The following SOBP variants were observed in gnomAD, a reference collection of about 807,000 sequenced individuals.
The protein encoded by SOBP is sine oculis-binding protein homolog.
Under a neutral mutation model 53.6 loss-of-function variants are expected in SOBP, and 4 were observed. That is an observed-to-expected ratio of 0.07 (90% CI 0.04 to 0.17). The LOEUF (loss-of-function observed/expected upper bound fraction) is 0.17, where lower values mean the gene tolerates loss of function less well. Ranked by LOEUF, SOBP falls within the 10% of genes least tolerant of loss-of-function variation. SOBP has a pLI of 1.00. For missense variants in SOBP, 1,088 were observed against 1,204.7 expected, an observed-to-expected ratio of 0.90 and a Z score of 1.43; for synonymous variants, 584 against 522.6, an observed-to-expected ratio of 1.12 and a Z score of -1.60.
rs1770972345 is a variant in SOBP, at chr6:107,635,166, T to C, written c.2322T>C (p.Asn774=). The change falls in exon 6 of 7, where the codon AAT becomes AAC. Residue 774 remains asparagine, a synonymous_variant. Transcript: ENST00000317357. The surrounding 1 kb of genome is among the most constrained non-coding windows in gnomAD (Gnocchi z 4.5). ...GCGAGCTAGAGTCGGTCAAGGAGAATAACTGTGCTTCCAACTGCCACCTGG... is the reference window on the plus strand; with the variant it reads ...GCGAGCTAGAGTCGGTCAAGGAGAACAACTGTGCTTCCAACTGCCACCTGG... The part of the protein sequence containing the change: ...AVSELESVKE[N]NCASNCHLDG... 2 of 1,613,276 alleles carry C rather than the reference T, an allele frequency of 1.2e-6. No homozygotes were observed. Among genetic ancestry groups the C allele is most frequent in the Non-Finnish European group, 1.7e-6 (2 of 1,179,870 alleles).
At chr6:107,599,385 G>A (rs555206898) in intron 5 of SOBP, among the ~76,000 whole-genome samples, 3 of 152,100 alleles carry the variant, frequency 2.0e-5, no homozygotes, top group African/African-American at 7.2e-5. Flanking sequence ...TGAGTAGTCC[G>A]AATCCGTTTT....
intron 4 of SOBP, among the ~76,000 whole-genome samples, chr6:107,570,741 A>T (rs1785050844): frequency 6.6e-6 from 1 of 152,242 alleles, no homozygotes; most frequent in Non-Finnish European, 1.5e-5. Context: ...CCTGGCAGAG[A>T]GGAGAGATTG....
chr6:107,536,583 C>T (rs927814550), intron 4 of SOBP, among the ~76,000 whole-genome samples: 1 of 152,176 alleles, frequency 6.6e-6, no homozygotes, highest in Non-Finnish European at 1.5e-5. Flanking sequence ...GTGTCACATA[C>T]ATCTCTCACA....
chr6:107,610,896 G>A (rs1786571622), intron 5 of SOBP, among the ~76,000 whole-genome samples: 2 of 152,142 alleles, frequency 1.3e-5, no homozygotes, highest in Admixed American at 1.3e-4. Flanking sequence ...TGTTCCACTG[G>A]TAATTTTTAA....
chr6:107,546,505 G>C (rs545308780), intron 4 of SOBP, among the ~76,000 whole-genome samples: 23 of 152,094 alleles, frequency 1.5e-4, no homozygotes, highest in Non-Finnish European at 2.9e-4. Context: ...CTCTCTCAAG[G>C]GTCTGCTTTG....
intron 3 of SOBP, chr6:107,510,733 C>G (rs958709266): frequency 2.6e-5 from 4 of 152,196 alleles, no homozygotes; most frequent in African/African-American, 9.6e-5. Flanking sequence ...ATGCTACTGT[C>G]AATTTTCTAG....
At chr6:107,653,647 A>G (rs189060259) in intron 6 of SOBP, among the ~76,000 whole-genome samples, 1 of 152,328 alleles carries the variant, frequency 6.6e-6, no homozygotes, top group East Asian at 1.9e-4. Context: ...GATTTTGATT[A>G]TGCTAATTAC....
chr6:107,508,758 G>A (rs73514993), intron 3 of SOBP, among the ~76,000 whole-genome samples: 3,461 of 152,210 alleles, frequency 0.023, 154 homozygotes, highest in African/African-American at 0.079. Context: ...TTTGTGATAC[G>A]GAGGGGTCCA....
chr6:107,582,213 A>G (rs944039483), intron 4 of SOBP, among the ~76,000 whole-genome samples: 2 of 152,226 alleles, frequency 1.3e-5, no homozygotes, highest in Non-Finnish European at 2.9e-5. Context: ...TTCTAAAGGC[A>G]TTCTTCAGAG....
intron 1 of SOBP, among the ~76,000 whole-genome samples, chr6:107,496,314 A>G (rs1658683615): frequency 6.6e-6 from 1 of 152,160 alleles, no homozygotes; most frequent in Admixed American, 6.5e-5. Context: ...GGTATTCACA[A>G]TTTCACAGCA....
intron 4 of SOBP, among the ~76,000 whole-genome samples, chr6:107,586,483 A>G (rs1785571294): frequency 6.6e-6 from 1 of 151,870 alleles, no homozygotes; most frequent in Non-Finnish European, 1.5e-5. Flanking sequence ...AGATCAAAAT[A>G]ACCAGTAACT....
At chr6:107,581,814 T>G (rs1399471020) in intron 4 of SOBP, among the ~76,000 whole-genome samples, 3 of 152,206 alleles carry the variant, frequency 2.0e-5, no homozygotes, top group Non-Finnish European at 4.4e-5. Flanking sequence ...CAATGGCCCC[T>G]TTTTTCTCCT....
At chr6:107,648,898 G>A (rs846967) in intron 6 of SOBP, among the ~76,000 whole-genome samples, 1,842 of 152,192 alleles carry the variant, frequency 0.012, 37 homozygotes, top group African/African-American at 0.042. Context: ...TGTAAATTAG[G>A]TGTGCAATAA....
intron 5 of SOBP, among the ~76,000 whole-genome samples, chr6:107,601,904 G>A (rs1786190765): frequency 6.6e-6 from 1 of 152,232 alleles, no homozygotes; most frequent in Admixed American, 6.5e-5. Context: ...AGCAGCAGAA[G>A]TCTTGCCCTC....
chr6:107,573,859 G>T (rs1002544365), intron 4 of SOBP, among the ~76,000 whole-genome samples: 8 of 152,194 alleles, frequency 5.3e-5, no homozygotes, highest in African/African-American at 1.9e-4. Flanking sequence ...GATTGTGTAT[G>T]AATAGAGCTT....
chr6:107,588,080 A>ATCTT (rs1422994820), intron 5 of SOBP, among the ~76,000 whole-genome samples: 3 of 152,254 alleles, frequency 2.0e-5, no homozygotes, highest in Admixed American at 2.0e-4. Context: ...ACACTGAAAG[A>ATCTT]GAATGAGGAT....
chr6:107,587,483 A>T (rs1462039722), intron 5 of SOBP, among the ~76,000 whole-genome samples: 1 of 152,162 alleles, frequency 6.6e-6, no homozygotes, highest in Non-Finnish European at 1.5e-5. Flanking sequence ...CAGTTGATAT[A>T]TGTAGCTTGG....
rs749006738 is a variant in SOBP, at chr6:107,635,186, A to G, written c.2342A>G (p.His781Arg). ...VKENNCASNC[H>R]LDGEAAKKLM... is the part of the protein sequence containing the mutation. ...GAGAATAACTGTGCTTCCAACTGCC[A>G]CCTGGACGGGGAGGCGGCCAAAAAG... The change falls in exon 6 of 7, where the codon CAC (histidine) becomes CGC (arginine). Residue 781 changes from histidine (H) to arginine (R), a missense_variant. By Grantham distance (29) the His-to-Arg change is conservative. This residue lies in a region of SOBP where 665 missense variants were observed against 629.7 expected (regional missense o/e 1.06). Transcript: ENST00000317357. The surrounding 1 kb of genome is among the most constrained non-coding windows in gnomAD (Gnocchi z 4.5). 10 of 1,613,772 alleles carry G rather than the reference A, an allele frequency of 6.2e-6. No homozygotes were observed. The highest frequency in any genetic ancestry group is 1.6e-4 in the Middle Eastern group (1 of 6,062).
chr6:107,635,512 C>T lies in SOBP; in HGVS notation c.*3+43C>T, dbSNP rs1188059500. On this transcript the variant is annotated intron_variant, in intron 6 of 6. Coordinates refer to ENST00000317357, the MANE Select transcript of SOBP (RefSeq NM_018013.4). This position sits in a 1 kb window ranked among gnomAD's most constrained non-coding sequence, Gnocchi z 4.5. Reference sequence around the variant, plus strand: ...GCGCTCCTCCACACCAGCCAGTGCACCTCTCCTTACTTCTGACAAGGCAGA... The same window carrying T: ...GCGCTCCTCCACACCAGCCAGTGCATCTCTCCTTACTTCTGACAAGGCAGA... 1.2e-6 allele frequency: 2 copies of T among 1,608,170 alleles called. No individual in the cohort carries two copies. Among genetic ancestry groups the T allele is most frequent in the South Asian group, 1.1e-5 (1 of 90,642 alleles).
Sources: gnomAD v4.1 joint callset for allele counts (sites outside exome capture counted in the v4.1 genomes callset) on GRCh38, gnomAD v4.1.1 for gene constraint, gnomAD v4.1.1 regional missense constraint, Gnocchi (gnomAD v3.1) non-coding constraint, MANE v1.5 for transcripts, NCBI Gene and HGNC (gene_info 2026-07-23, HGNC 2026-07-21) for gene names.